Variants in RAB3B observed in about 807,000 individuals in gnomAD.
The protein encoded by RAB3B is ras-related protein Rab-3B.
A neutral mutation model predicts 20.5 loss-of-function variants in RAB3B; 11 were observed. That is an observed-to-expected ratio of 0.54 (90% CI 0.34 to 0.89). The LOEUF (loss-of-function observed/expected upper bound fraction) is 0.89, where lower values mean the gene tolerates loss of function less well. Among genes scored for constraint, RAB3B ranks in the 40% least tolerant of loss-of-function variants. The probability of loss-of-function intolerance (pLI) is 0.02; values close to 1 mark genes in which losing one functional copy is unlikely to be tolerated. For missense variants in RAB3B, 225 were observed against 280.9 expected, an observed-to-expected ratio of 0.80 and a Z score of 1.42; for synonymous variants, 99 against 106.3, an observed-to-expected ratio of 0.93 and a Z score of 0.42.
chr1:51,924,876 C>G (rs1684223659), intron 4 of RAB3B, among the ~76,000 whole-genome samples: 1 of 152,082 alleles, frequency 6.6e-6, no homozygotes, highest in African/African-American at 2.4e-5. Context: ...TCTAGTGAGG[C>G]CAGGAAGATG....
intron 4 of RAB3B, 34 bp downstream of exon 4, chr1:51,933,284 T>G: frequency 6.2e-7 from 1 of 1,607,868 alleles, no homozygotes; most frequent in Non-Finnish European, 8.5e-7. Flanking sequence ...TGTGTACAAA[T>G]GCACACATGC....
At chr1:51,931,339 T>C (rs775082521) in intron 4 of RAB3B, among the ~76,000 whole-genome samples, 4 of 152,086 alleles carry the variant, frequency 2.6e-5, no homozygotes, top group Non-Finnish European at 5.9e-5. Flanking sequence ...AGAATGACGT[T>C]CCTCCTCTAT....
At chr1:51,989,214 G>GTC (rs1685191154) in intron 1 of RAB3B, among the ~76,000 whole-genome samples, 1 of 136,668 alleles carries the variant, frequency 7.3e-6, no homozygotes, top group African/African-American at 2.8e-5. Context: ...TGTTTTGTGT[G>GTC]TGTGTGTGTG....
At chr1:51,954,996 T>C (rs1378857133) in intron 2 of RAB3B, among the ~76,000 whole-genome samples, 1 of 152,214 alleles carries the variant, frequency 6.6e-6, no homozygotes, top group African/African-American at 2.4e-5. Context: ...GTGTCCAACA[T>C]AGGGCCTATC....
At chr1:51,989,333 A>C (rs1405797145) in intron 1 of RAB3B, among the ~76,000 whole-genome samples, 1 of 149,678 alleles carries the variant, frequency 6.7e-6, no homozygotes, top group Non-Finnish European at 1.5e-5. Flanking sequence ...CCCTCCCCAA[A>C]GTTGCTTCCA....
rs1438558074 is a variant in RAB3B, at chr1:51,910,374, C to T, written c.*9553G>A. On this transcript the variant is annotated 3_prime_UTR_variant, in exon 5 of 5. Transcript: ENST00000371655. ...CATTTCTGGCACATAAACATGGCTG[C>T]CTGGTGTCTCTTTTCAAACAAATGG... The T allele has an allele frequency of 6.6e-6, 1 of 152,118 alleles. No homozygotes were observed. Among genetic ancestry groups the T allele is most frequent in the African/African-American group, 2.4e-5 (1 of 41,410 alleles). The allele number at this position is 152,118 out of a possible 1,614,324, so 9.4% of individuals were successfully genotyped here. A position where few individuals can be genotyped will look rare whatever the true frequency, so the allele number is the denominator to read the frequency against.
chr1:51,981,948 C>T (rs1279391525), intron 1 of RAB3B, among the ~76,000 whole-genome samples: 1 of 152,170 alleles, frequency 6.6e-6, no homozygotes, highest in Non-Finnish European at 1.5e-5. Context: ...TTACTTACTA[C>T]ACTTTTTATT....
chr1:51,929,455 G>T (rs1238459607), intron 4 of RAB3B, among the ~76,000 whole-genome samples: 1 of 152,000 alleles, frequency 6.6e-6, no homozygotes, highest in African/African-American at 2.4e-5. Context: ...AGCCTCCCGA[G>T]TAGCTGGGAC....
chr1:51,986,739 G>T (rs1262368062), intron 1 of RAB3B, among the ~76,000 whole-genome samples: 1 of 152,242 alleles, frequency 6.6e-6, no homozygotes, highest in Non-Finnish European at 1.5e-5. Context: ...CCAGTAGGTG[G>T]TGTGAGAACG....
intron 2 of RAB3B, among the ~76,000 whole-genome samples, chr1:51,966,502 C>T (rs1026111549): frequency 6.6e-6 from 1 of 152,116 alleles, no homozygotes; most frequent in Non-Finnish European, 1.5e-5. Context: ...GGTTGTGGCC[C>T]TAAATAGTGT....
chr1:51,972,631 A>C (rs1187780820), intron 2 of RAB3B, among the ~76,000 whole-genome samples: 1 of 151,996 alleles, frequency 6.6e-6, no homozygotes, highest in East Asian at 1.9e-4. Context: ...TATCATTATA[A>C]GAAGAGACAC....
rs1177516763 is a variant in RAB3B, at chr1:51,910,217, A to G, written c.*9710T>C. 6.6e-6 allele frequency: 1 copy of G among 152,170 alleles called. No individual in the cohort carries two copies. Among genetic ancestry groups the G allele is most frequent in the African/African-American group, 2.4e-5 (1 of 41,450 alleles). The allele number at this position is 152,170 out of a possible 1,614,324, so 9.4% of individuals were successfully genotyped here. A position where few individuals can be genotyped will look rare whatever the true frequency, so the allele number is the denominator to read the frequency against. On this transcript the variant is annotated 3_prime_UTR_variant, in exon 5 of 5. Transcript: ENST00000371655. ...GTCTGATGTCTACAGGGGTTGGAAGATAGTTTACTACATGAAATCCTTTAG... is the reference window on the plus strand; with the variant it reads ...GTCTGATGTCTACAGGGGTTGGAAGGTAGTTTACTACATGAAATCCTTTAG...
chr1:51,952,105 A>G (rs1209045381), intron 2 of RAB3B, among the ~76,000 whole-genome samples: 3 of 152,210 alleles, frequency 2.0e-5, no homozygotes, highest in African/African-American at 7.2e-5. Flanking sequence ...AAAGACAGAA[A>G]GCCCTTATGA....
intron 2 of RAB3B, among the ~76,000 whole-genome samples, chr1:51,950,006 T>C (rs988353015): frequency 2.0e-5 from 3 of 152,212 alleles, no homozygotes; most frequent in Non-Finnish European, 4.4e-5. Context: ...ATCAGGAATG[T>C]GGGGTCTCTC....
intron 1 of RAB3B, among the ~76,000 whole-genome samples, chr1:51,988,363 C>T (rs12403677): frequency 0.058 from 8,863 of 152,288 alleles, 279 homozygotes; most frequent in South Asian, 0.065. Flanking sequence ...GAAACAATAT[C>T]ACAATAGCTA....
intron 2 of RAB3B, among the ~76,000 whole-genome samples, chr1:51,945,798 A>T (rs1684556490): frequency 6.6e-6 from 1 of 152,230 alleles, no homozygotes; most frequent in African/African-American, 2.4e-5. Flanking sequence ...CTTAAAGAGT[A>T]GCAACATGAC....
chr1:51,918,257 CAG>C lies in RAB3B; in HGVS notation c.*1668_*1669del, dbSNP rs1571954075. 1 of 152,266 alleles carries C rather than the reference CAG, an allele frequency of 6.6e-6. No individual in the cohort carries two copies. Among genetic ancestry groups the C allele is most frequent in the East Asian group, 1.9e-4 (1 of 5,184 alleles). 9.4% of individuals were successfully genotyped at this position (152,266 alleles called of 1,614,324 possible). ...CTGAGTTCAATTTTCTCAATTTTTT[CAG>C]AGTCATGCCACCTTAAGATTTATTT... On this transcript the variant is annotated 3_prime_UTR_variant, in exon 5 of 5. Transcript: ENST00000371655.
intron 2 of RAB3B, chr1:51,973,453 C>T (rs1169522485): frequency 1.7e-5 from 1 of 58,398 alleles, no homozygotes; most frequent in Admixed American, 2.4e-4. Flanking sequence ...CTCATCTGAT[C>T]TCGGAAGCTA....
intron 2 of RAB3B, among the ~76,000 whole-genome samples, chr1:51,960,152 G>A (rs1307017995): frequency 6.6e-6 from 1 of 152,238 alleles, no homozygotes; most frequent in Non-Finnish European, 1.5e-5. Context: ...GGTAGGAAAG[G>A]GCAAAGGAGA....
Sources: gnomAD v4.1 joint callset for allele counts (sites outside exome capture counted in the v4.1 genomes callset) on GRCh38, gnomAD v4.1.1 for gene constraint, MANE v1.5 for transcripts, NCBI Gene and HGNC (gene_info 2026-07-23, HGNC 2026-07-21) for gene names.